The following CCSER1 variants were observed in gnomAD, a reference collection of about 807,000 sequenced individuals.
CCSER1 encodes the protein serine-rich coiled-coil domain-containing protein 1.
A neutral mutation model predicts 82.0 loss-of-function variants in CCSER1; 41 were observed. That is an observed-to-expected ratio of 0.50 (90% CI 0.39 to 0.65). The LOEUF (loss-of-function observed/expected upper bound fraction) is 0.65, where lower values mean the gene tolerates loss of function less well. CCSER1 is among the 30% of genes least tolerant of loss of function. CCSER1 has a pLI of 0.00. For missense variants in CCSER1, 1,119 were observed against 1,064.2 expected, an observed-to-expected ratio of 1.05 and a Z score of -0.72; for synonymous variants, 414 against 383.9, an observed-to-expected ratio of 1.08 and a Z score of -0.92.
At chr4:90,304,737 A>G (rs568291943) in intron 1 of CCSER1, among the ~76,000 whole-genome samples, 166 of 152,256 alleles carry the variant, frequency 1.1e-3, no homozygotes, top group Non-Finnish European at 1.5e-3. Context: ...AGCATGGCAC[A>G]TGTATACATA....
chr4:91,420,156 TA>T (rs1753610510), intron 10 of CCSER1, among the ~76,000 whole-genome samples: 1 of 152,008 alleles, frequency 6.6e-6, no homozygotes, highest in South Asian at 2.1e-4. Context: ...GTTTCTTGGA[TA>T]TGACTCCCAA....
chr4:91,150,144 T>C (rs1730009798), intron 10 of CCSER1, among the ~76,000 whole-genome samples: 1 of 152,222 alleles, frequency 6.6e-6, no homozygotes, highest in Admixed American at 6.5e-5. Context: ...TTGTATCCTC[T>C]TTTATTTCGT....
intron 8 of CCSER1, among the ~76,000 whole-genome samples, chr4:90,825,140 T>G (rs1043851426): frequency 1.3e-5 from 2 of 152,252 alleles, no homozygotes; most frequent in Admixed American, 1.3e-4. Context: ...AAAGGGTTGT[T>G]ATATTGCAGT....
chr4:91,390,296 T>C (rs1751569062), intron 10 of CCSER1, among the ~76,000 whole-genome samples: 1 of 152,002 alleles, frequency 6.6e-6, no homozygotes, highest in Non-Finnish European at 1.5e-5. Context: ...TATATTTATA[T>C]AATCTATAAT....
chr4:90,711,635 A>G (rs1481829822), intron 6 of CCSER1, among the ~76,000 whole-genome samples: 1 of 151,714 alleles, frequency 6.6e-6, no homozygotes, highest in African/African-American at 2.4e-5. Flanking sequence ...AATGAGAATT[A>G]CTGATTTGCT....
At position 90,658,142 on chromosome 4, in the gene CCSER1, T is replaced by G. The variant is rs1318574641; in HGVS notation, c.1932+29910T>G. ...ACAAACAACAAAAAAACTCTCTATGTAGATCTCCTTTGGTTCTGTTTATAT... is the reference window on the plus strand; with the variant it reads ...ACAAACAACAAAAAAACTCTCTATGGAGATCTCCTTTGGTTCTGTTTATAT... On this transcript the variant is annotated intron_variant, in intron 6 of 10. Coordinates refer to ENST00000509176, the MANE Select transcript of CCSER1 (RefSeq NM_001145065.2). 5.9e-5 allele frequency among the ~76,000 whole-genome samples: 9 copies of G among 152,154 alleles called. No individual in the cohort carries two copies. The South Asian group carries it at 1.0e-3, about 18-fold the overall frequency.
intron 9 of CCSER1, among the ~76,000 whole-genome samples, chr4:90,944,333 CA>C (rs1462015903): frequency 6.6e-6 from 1 of 151,712 alleles, no homozygotes; most frequent in Non-Finnish European, 1.5e-5. Flanking sequence ...TGAGCTAATA[CA>C]AAAGACCGCA....
intron 4 of CCSER1, among the ~76,000 whole-genome samples, chr4:90,463,285 T>G (rs548711298): frequency 6.6e-6 from 1 of 152,262 alleles, no homozygotes. Context: ...ACTATTACAT[T>G]TACACTATTA....
At chr4:90,785,210 T>C (rs1415580800) in intron 7 of CCSER1, among the ~76,000 whole-genome samples, 2 of 152,110 alleles carry the variant, frequency 1.3e-5, no homozygotes, top group African/African-American at 4.8e-5. Context: ...CTAATTTTTG[T>C]ATTTTTTTAT....
At chr4:90,889,002 C>T (rs919967827) in intron 8 of CCSER1, among the ~76,000 whole-genome samples, 3 of 152,062 alleles carry the variant, frequency 2.0e-5, no homozygotes, top group Non-Finnish European at 4.4e-5. Flanking sequence ...CATAGTTTGT[C>T]AGATAGTCCA....
chr4:91,495,979 A>G (rs980472857), intron 10 of CCSER1, among the ~76,000 whole-genome samples: 1 of 151,620 alleles, frequency 6.6e-6, no homozygotes, highest in African/African-American at 2.4e-5. Flanking sequence ...AAAGAAGTAG[A>G]TTTTTATAAA....
chr4:91,288,441 A>G (rs1743488443), intron 10 of CCSER1, among the ~76,000 whole-genome samples: 1 of 151,940 alleles, frequency 6.6e-6, no homozygotes, highest in African/African-American at 2.4e-5. Context: ...AAACAACAAC[A>G]ACAACAAAAA....
chr4:90,457,451 C>T (rs1040920593), intron 4 of CCSER1, among the ~76,000 whole-genome samples: 1 of 152,156 alleles, frequency 6.6e-6, no homozygotes, highest in Non-Finnish European at 1.5e-5. Context: ...GAATGAGGTG[C>T]GTGGGCAACT....
At chr4:90,481,928 A>G (rs866490137) in intron 5 of CCSER1, among the ~76,000 whole-genome samples, 1 of 152,188 alleles carries the variant, frequency 6.6e-6, no homozygotes, top group African/African-American at 2.4e-5. Context: ...ATTGATTGGA[A>G]TAGTTTCAGA....
At chr4:91,566,896 G>A (rs1325259985) in intron 10 of CCSER1, among the ~76,000 whole-genome samples, 1 of 151,832 alleles carries the variant, frequency 6.6e-6, no homozygotes, top group Admixed American at 6.6e-5. Flanking sequence ...CTTCAGTTCA[G>A]CTCTGATTTT....
intron 6 of CCSER1, among the ~76,000 whole-genome samples, chr4:90,701,683 C>T (rs1427644955): frequency 2.6e-5 from 4 of 152,026 alleles, no homozygotes; most frequent in South Asian, 2.1e-4. Flanking sequence ...TGTAGTTTTC[C>T]TTCACATCCT....
chr4:90,278,828 A>C (rs1728387280), intron 1 of CCSER1, among the ~76,000 whole-genome samples: 1 of 152,072 alleles, frequency 6.6e-6, no homozygotes, highest in Non-Finnish European at 1.5e-5. Flanking sequence ...CTGATTCTAA[A>C]ATAAAAGTTG....
chr4:91,229,793 A>T (rs1001282443), intron 10 of CCSER1, among the ~76,000 whole-genome samples: 6 of 152,108 alleles, frequency 3.9e-5, no homozygotes, highest in African/African-American at 1.4e-4. Context: ...ATGAGAACGC[A>T]TGGACACAGG....
intron 10 of CCSER1, among the ~76,000 whole-genome samples, chr4:91,223,517 G>C (rs1332551991): frequency 6.6e-6 from 1 of 152,088 alleles, no homozygotes; most frequent in South Asian, 2.1e-4. Flanking sequence ...TAATTCCAAA[G>C]GGGGAAAAAT....
Sources: allele counts gnomAD v4.1 joint callset (sites outside exome capture counted in the v4.1 genomes callset), GRCh38; gene constraint gnomAD v4.1.1; transcripts MANE v1.5; gene names NCBI Gene and HGNC (gene_info 2026-07-23, HGNC 2026-07-21).